SLK: variants seen among roughly 807,000 people sequenced by gnomAD.
SLK encodes STE20 like kinase.
Under a neutral mutation model 147.7 loss-of-function variants are expected in SLK, and 67 were observed. The ratio of observed to expected loss-of-function variants is 0.45; its 90% confidence interval spans 0.37 to 0.56. SLK has a LOEUF of 0.56. SLK is among the 20% of genes least tolerant of loss of function. The probability of loss-of-function intolerance (pLI) is 0.00; values close to 1 mark genes in which losing one functional copy is unlikely to be tolerated. For missense variants in SLK, 1,136 were observed against 1,438.8 expected, an observed-to-expected ratio of 0.79 and a Z score of 3.41; for synonymous variants, 441 against 475.0, an observed-to-expected ratio of 0.93 and a Z score of 0.93.
Position 104,002,659 on chromosome 10 carries a change from C to G in SLK, c.1481C>G (p.Thr494Ser), listed in dbSNP as rs772468874. The stretch of plus-strand genomic sequence containing the variant: ...ATAAAATCTGAAGAAATTAAAGATA[C>G]TATTTTGCAAACAGTAGATTTAGTT... ...KLIKSEEIKD[T>S]ILQTVDLVSQ... Residue 494 changes from threonine to serine, a missense_variant, in exon 9 of 19, where the codon ACT (threonine) becomes AGT (serine). Transcript: ENST00000369755. 1.9e-6 allele frequency: 3 copies of G among 1,609,676 alleles called. No individual in the cohort carries two copies. In the East Asian group the frequency reaches 6.7e-5, roughly 36 times the overall value.
rs748443854 is a variant in SLK, at chr10:104,002,895, G to A, written c.1717G>A (p.Asp573Asn). ...EDSAEDTQSN[D>N]GKEVVEVGQK... is the part of the protein sequence containing the mutation. The stretch of plus-strand genomic sequence containing the variant: ...CAGTGCTGAGGATACGCAGAGTAAT[G>A]ATGGGAAAGAAGTGGTCGAAGTAGG... The change falls in exon 9 of 19, where the codon GAT becomes AAT. Residue 573 changes from aspartate to asparagine, a missense_variant. Physicochemically the swap from Asp to Asn is conservative, Grantham distance 23. This residue lies in a region of SLK where 516 missense variants were observed against 531.3 expected (regional missense o/e 0.97). Coordinates refer to ENST00000369755, the MANE Select transcript of SLK (RefSeq NM_014720.4). The A allele has an allele frequency of 1.9e-6, 3 of 1,614,164 alleles. No homozygotes were observed. Among genetic ancestry groups the A allele is most frequent in the Admixed American group, 1.7e-5 (1 of 60,028 alleles).
chr10:104,010,338 C>T (rs1319182936), intron 12 of SLK, among the ~76,000 whole-genome samples: 1 of 152,086 alleles, frequency 6.6e-6, no homozygotes, highest in Non-Finnish European at 1.5e-5. Flanking sequence ...TTTTTGGCCT[C>T]ATTAAGTAGA....
intron 15 of SLK, 71 bp downstream of exon 15, chr10:104,018,979 T>G: frequency 1.4e-6 from 2 of 1,394,992 alleles, no homozygotes; most frequent in Non-Finnish European, 1.9e-6. Context: ...GTTTTGAAAC[T>G]TAAGTTTCTT....
chr10:103,977,718 A>G (rs1843889130), intron 1 of SLK, among the ~76,000 whole-genome samples: 1 of 152,192 alleles, frequency 6.6e-6, no homozygotes, highest in South Asian at 2.1e-4. Context: ...CTTTCCAGCT[A>G]CTATTTTGAA....
At chr10:103,990,878 G>A (rs200304992) in intron 2 of SLK, 39 bp downstream of exon 2, 2 of 1,283,126 alleles carry the variant, frequency 1.6e-6, no homozygotes, top group Middle Eastern at 2.5e-4. Flanking sequence ...TAGCCAAAAT[G>A]AGTTAATTGT....
chr10:103,993,312 T>G (rs1244954965), intron 4 of SLK, among the ~76,000 whole-genome samples, 179 bp downstream of exon 4: 1 of 152,138 alleles, frequency 6.6e-6, no homozygotes, highest in Non-Finnish European at 1.5e-5. Flanking sequence ...AATTTCTAAA[T>G]ATCAGCACCT....
rs1264594304 is a variant in SLK, at chr10:103,971,264, G to GTT, written c.150+3370_150+3371dup. On this transcript the variant is annotated intron_variant, in intron 1 of 18. Coordinates refer to ENST00000369755, the MANE Select transcript of SLK (RefSeq NM_014720.4). ...TTTGGGTTTCTCTTTTTTTGTTGTT[G>GTT]TTGTTTTGTTTGTGTTTTGTTTTGT... Among the ~76,000 whole-genome samples the GTT allele has an allele frequency of 6.9e-4, 103 of 149,010 alleles. 1 individual carries two copies. The highest frequency in any genetic ancestry group is 2.4e-3 in the South Asian group (11 of 4,670).
chr10:104,015,204 C>G (rs996092200), intron 13 of SLK, among the ~76,000 whole-genome samples: 9 of 152,200 alleles, frequency 5.9e-5, no homozygotes, highest in Non-Finnish European at 1.3e-4. Context: ...GTCTACAGCT[C>G]TGTAAGGCAG....
Position 103,999,169 on chromosome 10 carries a change from A to G in SLK, c.638A>G (p.Asp213Gly). 7 of 1,613,530 alleles carry G rather than the reference A, an allele frequency of 4.3e-6. No individual in the cohort carries two copies. Among genetic ancestry groups the G allele is most frequent in the Non-Finnish European group, 5.9e-6 (7 of 1,179,662 alleles). ...MCETSKDRPY[D>G]YKADVWSLGI... Reference sequence around the variant, plus strand: ...GAAACATCTAAGGACAGACCCTATGACTACAAAGCTGATGTTTGGTCCCTG... The same window carrying G: ...GAAACATCTAAGGACAGACCCTATGGCTACAAAGCTGATGTTTGGTCCCTG... Residue 213 changes from aspartate to glycine, a missense_variant, in exon 6 of 19, where the codon GAC becomes GGC. Physicochemically the swap from Asp to Gly is moderately conservative, Grantham distance 94. Transcript: ENST00000369755.
At chr10:104,025,461 G>T in intron 18 of SLK, 113 bp from the exon 19 acceptor site, 1 of 1,009,672 alleles carries the variant, frequency 9.9e-7, no homozygotes. Flanking sequence ...GTGTCTTCTT[G>T]AGGATTATAT....
Position 104,025,844 on chromosome 10 carries a change from CTTTTTTGTT to C in SLK, c.*136_*144del. On this transcript the variant is annotated 3_prime_UTR_variant, in exon 19 of 19. Coordinates refer to ENST00000369755, the MANE Select transcript of SLK (RefSeq NM_014720.4). ...CCTGCCTCACCTTCTAGGTGTTTTC[CTTTTTTGTT>C]TTTTTTGTTTTGTTTTGTTTTTAAG... 3 of 849,656 alleles carry C rather than the reference CTTTTTTGTT, an allele frequency of 3.5e-6. 1 individual carries two copies. The highest frequency in any genetic ancestry group is 5.0e-5 in the South Asian group (2 of 40,306). The allele number at this position is 849,656 out of a possible 1,614,324, so 52.6% of individuals were successfully genotyped here. A position where few individuals can be genotyped will look rare whatever the true frequency, so the allele number is the denominator to read the frequency against.
chr10:103,991,346 A>G (rs945506068), intron 2 of SLK, among the ~76,000 whole-genome samples: 2 of 152,140 alleles, frequency 1.3e-5, no homozygotes, highest in Admixed American at 6.5e-5. Flanking sequence ...TTTTCAGAAA[A>G]TATTAAGGTA....
intron 15 of SLK, 119 bp downstream of exon 15, chr10:104,019,027 C>T: frequency 1.0e-6 from 1 of 997,500 alleles, no homozygotes; most frequent in Non-Finnish European, 1.4e-6. Context: ...GTCTTTTATC[C>T]TACAATTTCT....
At chr10:103,970,501 A>G (rs1453832479) in intron 1 of SLK, among the ~76,000 whole-genome samples, 2 of 152,054 alleles carry the variant, frequency 1.3e-5, no homozygotes, top group African/African-American at 2.4e-5. Flanking sequence ...GGCTGGCACT[A>G]TTTTTTCTTT....
chr10:104,016,925 A>G (rs1194307848), intron 13 of SLK, among the ~76,000 whole-genome samples: 1 of 152,252 alleles, frequency 6.6e-6, no homozygotes, highest in East Asian at 1.9e-4. Flanking sequence ...TTTAAATTCT[A>G]AATCCACACA....
At chr10:103,988,652 C>A (rs1301081726) in intron 1 of SLK, among the ~76,000 whole-genome samples, 2 of 152,142 alleles carry the variant, frequency 1.3e-5, no homozygotes, top group Non-Finnish European at 2.9e-5. Flanking sequence ...CCCCTCAAAG[C>A]TCATTTATAT....
rs927432606 is a variant in SLK at position 104,028,459 on chromosome 10, T to C, written c.*2739T>C. On this transcript the variant is annotated 3_prime_UTR_variant, in exon 19 of 19. Coordinates refer to ENST00000369755, the MANE Select transcript of SLK (RefSeq NM_014720.4). ...AGTCACATTAAGCTTTTTCTTATCT[T>C]TTTCTATGGGGAAGCTATAGGGTGG... 6.6e-6 allele frequency: 1 copy of C among 152,208 alleles called. No homozygotes were observed. The highest frequency in any genetic ancestry group is 1.5e-5 in the Non-Finnish European group (1 of 68,044). 9.4% of individuals were successfully genotyped at this position (152,208 alleles called of 1,614,324 possible).
In SLK at chr10:103,967,237, G is replaced by A. The variant is rs1589520751; in HGVS notation, c.-509G>A. The A allele has an allele frequency of 6.6e-6, 1 of 151,882 alleles. No individual in the cohort carries two copies. Among genetic ancestry groups the A allele is most frequent in the Non-Finnish European group, 1.5e-5 (1 of 68,208 alleles). The allele number at this position is 151,882 out of a possible 1,614,324, so 9.4% of individuals were successfully genotyped here. A position where few individuals can be genotyped will look rare whatever the true frequency, so the allele number is the denominator to read the frequency against. On this transcript the variant is annotated 5_prime_UTR_variant, in exon 1 of 19. Transcript: ENST00000369755. ...GCCCCAGACCCGAGGGGACGCGCGG[G>A]CCTTGCGCCGCGGGAGCGGACGGCG...
rs757738999 is a variant in SLK, at chr10:104,025,636, G to C, written c.3624G>C (p.Gly1208=). The C allele has an allele frequency of 2.5e-6, 4 of 1,613,440 alleles. No individual in the cohort carries two copies. The South Asian group carries it at 3.3e-5, about 13-fold the overall frequency. The part of the protein sequence containing the change: ...QEQEVFFKMT[G]ESECLNPSTQ... ...AGGAAGTATTCTTTAAAATGACTGG[G>C]GAGTCTGAATGCCTTAACCCATCAA... is the stretch of plus-strand genomic sequence containing the variant. Residue 1208 remains glycine (G), a synonymous_variant, in exon 19 of 19, where the codon GGG becomes GGC. Transcript: ENST00000369755.
Sources: allele counts gnomAD v4.1 joint callset (sites outside exome capture counted in the v4.1 genomes callset), GRCh38; gene constraint gnomAD v4.1.1; regional missense constraint gnomAD v4.1.1; transcripts MANE v1.5; gene names NCBI Gene and HGNC (gene_info 2026-07-23, HGNC 2026-07-21).